Variants in MYO15A observed in about 807,000 individuals in gnomAD.
MYO15A encodes myosin XVA, also known as unconventional myosin-XV.
In MYO15A, 308 loss-of-function variants were observed where a neutral mutation model predicts 394.6. The observed-to-expected ratio is 0.78, with a 90% CI of 0.71 to 0.86. The LOEUF (loss-of-function observed/expected upper bound fraction) is 0.86, where lower values mean the gene tolerates loss of function less well. Among genes scored for constraint, MYO15A ranks in the 40% least tolerant of loss-of-function variants. The probability of loss-of-function intolerance (pLI) is 0.00; values close to 1 mark genes in which losing one functional copy is unlikely to be tolerated. For missense variants in MYO15A, 4,606 were observed against 4,799.1 expected, an observed-to-expected ratio of 0.96 and a Z score of 1.19; for synonymous variants, 1,957 against 2,003.8, an observed-to-expected ratio of 0.98 and a Z score of 0.62.
In MYO15A at chr17:18,179,616, A is replaced by T. The variant is rs1357805406; in HGVS notation, c.*746A>T. ...CCTTCTTGGAAAATGGGACATTAGC[A>T]TTGAGTTTTGAAAGATGAGTAGGAG... On this transcript the variant is annotated 3_prime_UTR_variant, in exon 66 of 66. Coordinates refer to ENST00000647165, the MANE Select transcript of MYO15A (RefSeq NM_016239.4). The T allele has an allele frequency of 6.5e-6, 1 of 152,950 alleles. No homozygotes were observed. The highest frequency in any genetic ancestry group is 2.4e-5 in the African/African-American group (1 of 41,460). The allele number at this position is 152,950 out of a possible 1,614,324, so 9.5% of individuals were successfully genotyped here. A position where few individuals can be genotyped will look rare whatever the true frequency, so the allele number is the denominator to read the frequency against.
At chr17:18,155,474 T>TACAG in intron 47 of MYO15A, 42 bp downstream of exon 47, 1 of 1,539,140 alleles carries the variant, frequency 6.5e-7, no homozygotes, top group Admixed American at 1.7e-5. Flanking sequence ...GAGACTGGGA[T>TACAG]ACAGACTGGC....
chr17:18,153,501 A>C lies in MYO15A; in HGVS notation c.7967-274A>C. ...CACCTGAGGTCAGGAATTTGAGACT[A>C]GCCGGCCCAACATGGCGAAACCCCA... On this transcript the variant is annotated intron_variant, in intron 42 of 65. Coordinates refer to ENST00000647165, the MANE Select transcript of MYO15A (RefSeq NM_016239.4). The surrounding 1 kb of genome is among the most constrained non-coding windows in gnomAD (Gnocchi z 4.1). 2.4e-5 allele frequency: 4 copies of C among 166,890 alleles called. No homozygotes were observed. Among genetic ancestry groups the C allele is most frequent in the Non-Finnish European group, 3.8e-5 (3 of 79,134 alleles). The allele number at this position is 166,890 out of a possible 1,614,324, so 10.3% of individuals were successfully genotyped here.
At chr17:18,157,339 G>A (rs1276050583) in intron 50 of MYO15A, 109 bp downstream of exon 50, 2 of 1,438,428 alleles carry the variant, frequency 1.4e-6, no homozygotes, top group East Asian at 2.5e-5. Flanking sequence ...GGCCTGGGCT[G>A]GTCAGGTCTC....
chr17:18,144,359 C>CG, intron 28 of MYO15A, 138 bp from the exon 29 acceptor site: 1 of 868,008 alleles, frequency 1.2e-6, no homozygotes, highest in South Asian at 1.4e-5. Flanking sequence ...CCTCACCAGC[C>CG]TCAGTTTCCC....
intron 23 of MYO15A, 39 bp from the exon 24 acceptor site, chr17:18,142,040 T>C (rs1224263751): frequency 2.5e-6 from 4 of 1,608,230 alleles, no homozygotes; most frequent in Non-Finnish European, 3.4e-6. Flanking sequence ...TCCAGCCTCC[T>C]GGCTCCTATC....
Position 18,179,331 on chromosome 17 carries a change from C to T in MYO15A, c.*461C>T, listed in dbSNP as rs2047058101. 1 of 194,500 alleles carries T rather than the reference C, an allele frequency of 5.1e-6. No individual in the cohort carries two copies. 12.0% of individuals were successfully genotyped at this position (194,500 alleles called of 1,614,324 possible). On this transcript the variant is annotated 3_prime_UTR_variant, in exon 66 of 66. Transcript: ENST00000647165. ...TCCTAAGGGGCCCCTCCTTGTGCTGCCAGTCAGCCTGGATTTCTGGTCTTT... is the reference window on the plus strand; with the variant it reads ...TCCTAAGGGGCCCCTCCTTGTGCTGTCAGTCAGCCTGGATTTCTGGTCTTT...
At chr17:18,161,648 G>T (rs2046779546) in intron 57 of MYO15A, among the ~76,000 whole-genome samples, 2 of 152,248 alleles carry the variant, frequency 1.3e-5, no homozygotes, top group South Asian at 4.1e-4. Flanking sequence ...AATGGAGGGG[G>T]TGGTCAGGGA....
intron 52 of MYO15A, 132 bp downstream of exon 52, chr17:18,158,770 G>A (rs2046728277): frequency 4.3e-6 from 6 of 1,379,352 alleles, no homozygotes; most frequent in Non-Finnish European, 5.2e-6. Flanking sequence ...CAGGTGTGAG[G>A]CTCATTTCAG....
In MYO15A at chr17:18,178,661, T is replaced by C. The variant is rs1281384748; in HGVS notation, c.10492-108T>C. 3.4e-5 allele frequency: 37 copies of C among 1,088,318 alleles called. No homozygotes were observed. In the East Asian group the frequency reaches 8.2e-4, roughly 24 times the overall value. The allele number at this position is 1,088,318 out of a possible 1,614,324, so 67.4% of individuals were successfully genotyped here. ...GTGGGGACAAGGGTCCCTGCATGAA[T>C]GATGGTCTCCACCTATCTCCCAACC... is the stretch of plus-strand genomic sequence containing the variant. On this transcript the variant is annotated intron_variant, in intron 65 of 65. Transcript: ENST00000647165.
chr17:18,146,258 C>A, intron 30 of MYO15A, 151 bp downstream of exon 30: 3 of 846,524 alleles, frequency 3.5e-6, no homozygotes, highest in Admixed American at 2.0e-5. Flanking sequence ...TGCATTTCTA[C>A]TGGGCTCAGA....
At position 18,136,427 on chromosome 17, in the gene MYO15A, G is replaced by T. The variant is rs201423655; in HGVS notation, c.4607G>T (p.Arg1536Leu). 599 of 1,613,642 alleles carry T rather than the reference G, an allele frequency of 3.7e-4. No homozygotes were observed. Among genetic ancestry groups the T allele is most frequent in the Non-Finnish European group, 4.9e-4 (576 of 1,180,038 alleles). The change falls in exon 14 of 66, where the codon CGA becomes CTA. Residue 1536 changes from arginine to leucine, a missense_variant. By Grantham distance (102) the Arg-to-Leu change is moderately radical (BLOSUM62 -2). Around this residue, in one of 2 missense-constraint regions of MYO15A, gnomAD observed 2,776 missense variants for 3,109.3 expected, o/e 0.89. Coordinates refer to ENST00000647165, the MANE Select transcript of MYO15A (RefSeq NM_016239.4). ...TGTGCCCGTCCCTAGGAGACAATGCGAGAGAAGATCTTCACGCCCCTAACT... is the reference window on the plus strand; with the variant it reads ...TGTGCCCGTCCCTAGGAGACAATGCTAGAGAAGATCTTCACGCCCCTAACT... ...AITFKVTETM[R>L]EKIFTPLTVE...
rs775943958 is a variant in MYO15A at position 18,135,811 on chromosome 17, C to A, written c.4583C>A (p.Thr1528Asn). 5.6e-6 allele frequency: 9 copies of A among 1,613,950 alleles called. No homozygotes were observed. In the South Asian group the frequency reaches 7.7e-5, roughly 14 times the overall value. Residue 1528 changes from threonine to asparagine, a missense_variant, in exon 13 of 66, where the codon ACC (threonine) becomes AAC (asparagine). This residue lies in a region of MYO15A where 2,776 missense variants were observed against 3,109.3 expected (regional missense o/e 0.89). Transcript: ENST00000647165. ...CCTGAGGGCCTGCAGAAGGCCATCA[C>A]CTTCAAAGTGACCGTGAGTCTGTGG... ...ISPEGLQKAI[T>N]FKVTETMREK...
chr17:18,167,809 T>TC, intron 62 of MYO15A, 86 bp downstream of exon 62: 1 of 1,574,274 alleles, frequency 6.4e-7, no homozygotes, highest in Non-Finnish European at 8.6e-7. Flanking sequence ...GAGCTGGCAG[T>TC]CCCCAGGCCC....
At chr17:18,158,435 T>A in intron 51 of MYO15A, 88 bp from the exon 52 acceptor site, 2 of 1,189,392 alleles carry the variant, frequency 1.7e-6, no homozygotes, top group Non-Finnish European at 2.5e-6. Context: ...CTGGGTCCAG[T>A]CAGCTAGGGG....
In MYO15A at chr17:18,171,640, G is replaced by A. The variant is rs1567666584; in HGVS notation, c.10085G>A (p.Arg3362Gln). ...TTTTCCCCTTCCTCCGTACACAGGCGGGAAGTCCAGGAGTACATCCCAGCC... is the reference window on the plus strand; with the variant it reads ...TTTTCCCCTTCCTCCGTACACAGGCAGGAAGTCCAGGAGTACATCCCAGCC... ...AKDHFYLPSV[R>Q]EVQEYIPAQL... Residue 3362 changes from arginine to glutamine, a missense_variant and splice_region_variant, in exon 63 of 66, where the codon CGG becomes CAG. Coordinates refer to ENST00000647165, the MANE Select transcript of MYO15A (RefSeq NM_016239.4). 13 of 1,613,896 alleles carry A rather than the reference G, an allele frequency of 8.1e-6. No homozygotes were observed. Among genetic ancestry groups the A allele is most frequent in the East Asian group, 2.2e-5 (1 of 44,870 alleles).
intron 62 of MYO15A, among the ~76,000 whole-genome samples, chr17:18,169,220 G>A (rs1268494813): frequency 1.3e-5 from 2 of 151,356 alleles, no homozygotes; most frequent in African/African-American, 4.8e-5. Flanking sequence ...GTCGAGGTGC[G>A]TGGATCACCT....
intron 50 of MYO15A, 145 bp from the exon 51 acceptor site, chr17:18,157,577 T>C: frequency 6.9e-7 from 1 of 1,444,398 alleles, no homozygotes; most frequent in Non-Finnish European, 9.2e-7. Context: ...GCCTGTTTCC[T>C]CATCTGTAAA....
At position 18,149,776 on chromosome 17, in the gene MYO15A, GGAAGGACCCACAGTTA is replaced by G; in HGVS notation, c.7212+201_7212+216del. The stretch of plus-strand genomic sequence containing the variant: ...GCTAGAGATGCTCTTGGCTGATCCT[GGAAGGACCCACAGTTA>G]GAAGTGCACCTCTAGCAAGGTGTGG... On this transcript the variant is annotated intron_variant, in intron 35 of 65. Coordinates refer to ENST00000647165, the MANE Select transcript of MYO15A (RefSeq NM_016239.4). 3 of 652,472 alleles carry G rather than the reference GGAAGGACCCACAGTTA, an allele frequency of 4.6e-6. No individual in the cohort carries two copies. In the South Asian group the frequency reaches 5.2e-5, roughly 11 times the overall value. 40.4% of individuals were successfully genotyped at this position (652,472 alleles called of 1,614,324 possible). A position where few individuals can be genotyped will look rare whatever the true frequency, so the allele number is the denominator to read the frequency against.
rs1158843044 is a variant in MYO15A, at chr17:18,121,539, C to G, written c.2739C>G (p.Pro913=). 4 of 1,575,402 alleles carry G rather than the reference C, an allele frequency of 2.5e-6. No individual in the cohort carries two copies. Among genetic ancestry groups the G allele is most frequent in the South Asian group, 2.3e-5 (2 of 85,682 alleles). The change falls in exon 2 of 66, where the codon CCC becomes CCG. Residue 913 remains proline (P), a synonymous_variant. Transcript: ENST00000647165. This position sits in a 1 kb window ranked among gnomAD's most constrained non-coding sequence, Gnocchi z 5.3. Reference sequence around the variant, plus strand: ...AACACCGGGAGAGCCCGCGAGAACCCGAGGACTCAGAGACGCCCTGGACTG... The same window carrying G: ...AACACCGGGAGAGCCCGCGAGAACCGGAGGACTCAGAGACGCCCTGGACTG... The part of the protein sequence containing the change: ...PLEHRESPRE[P]EDSETPWTVP...
Sources: allele counts gnomAD v4.1 joint callset (sites outside exome capture counted in the v4.1 genomes callset), GRCh38; gene constraint gnomAD v4.1.1; regional missense constraint gnomAD v4.1.1; non-coding constraint Gnocchi (gnomAD v3.1); transcripts MANE v1.5; gene names NCBI Gene and HGNC (gene_info 2026-07-23, HGNC 2026-07-21).